Variants in P3H3 observed in about 807,000 individuals in gnomAD.
The protein encoded by P3H3 is gene rich cluster, B.
P3H3 carries 64 observed loss-of-function variants against 78.1 expected under a neutral mutation model. The observed-to-expected ratio is 0.82, with a 90% CI of 0.67 to 1.01. The LOEUF is 1.01. P3H3 is among the 50% of genes least tolerant of loss of function. The pLI is 0.00. For synonymous variants in P3H3, 425 were observed against 416.7 expected (o/e 1.02, Z -0.24); for missense variants, 975 against 982.2 (o/e 0.99, Z 0.10).
chr12:6,832,882 C>A (rs782592535), intron 6 of P3H3, among the ~76,000 whole-genome samples: 1 of 6,398 alleles, frequency 1.6e-4, no homozygotes, highest in African/African-American at 7.2e-4. Context: ...GGATTACAGG[C>A]GTGAGCCACC....
Position 6,829,782 on chromosome 12 carries a change from G to A in P3H3, c.499-77G>A. 1 of 1,529,150 alleles carries A rather than the reference G, an allele frequency of 6.5e-7. No individual in the cohort carries two copies. Among genetic ancestry groups the A allele is most frequent in the Non-Finnish European group, 9.0e-7 (1 of 1,108,614 alleles). 94.7% of individuals were successfully genotyped at this position (1,529,150 alleles called of 1,614,324 possible). On this transcript the variant is annotated intron_variant, in intron 1 of 14. Coordinates refer to ENST00000290510, the MANE Select transcript of P3H3 (RefSeq NM_014262.5). The surrounding 1 kb of genome is among the most constrained non-coding windows in gnomAD (Gnocchi z 5.1). ...ACCCAGAGTGTGTGTCTGGGGTAGG[G>A]TGGGGAGGCTGGCCAGGGGGCAGAG...
rs2137960332 is a variant in P3H3 at position 6,831,562 on chromosome 12, T to C, written c.1122+210T>C. Among the ~76,000 whole-genome samples, 1 of 152,182 alleles carries C rather than the reference T, an allele frequency of 6.6e-6. No homozygotes were observed. The highest frequency in any genetic ancestry group is 2.1e-4 in the South Asian group (1 of 4,814). ...ATTCCAGCCCTCAGCCCCGTCTCTC[T>C]TGCCTTTACTTCACTCCTGCCTGCC... On this transcript the variant is annotated intron_variant, in intron 5 of 14. Coordinates refer to ENST00000290510, the MANE Select transcript of P3H3 (RefSeq NM_014262.5). This position sits in a 1 kb window ranked among gnomAD's most constrained non-coding sequence, Gnocchi z 4.6.
At chr12:6,838,170 C>T in intron 13 of P3H3, 137 bp downstream of exon 13, 1 of 1,137,058 alleles carries the variant, frequency 8.8e-7, no homozygotes, top group Non-Finnish European at 1.2e-6. Context: ...CTCCGCAGCC[C>T]TCCCGCTGCT....
intron 9 of P3H3, chr12:6,834,799 G>T (rs782326940): frequency 1.1e-4 from 16 of 152,156 alleles, no homozygotes; most frequent in Admixed American, 9.8e-4. Flanking sequence ...TTAGCCAGGC[G>T]TGGTGGCACA....
intron 8 of P3H3, 30 bp from the exon 9 acceptor site, chr12:6,833,894 AG>A: frequency 6.2e-7 from 1 of 1,613,970 alleles, no homozygotes; most frequent in Non-Finnish European, 8.5e-7. Flanking sequence ...GGGGATGCTC[AG>A]CCCCCTCTGC....
intron 9 of P3H3, among the ~76,000 whole-genome samples, chr12:6,835,640 A>G (rs1943488962): frequency 6.6e-6 from 1 of 152,130 alleles, no homozygotes; most frequent in Non-Finnish European, 1.5e-5. Context: ...AAAAAAGAAC[A>G]TAGAATCATC....
At chr12:6,833,481 C>G in intron 6 of P3H3, 111 bp from the exon 7 acceptor site, 1 of 1,109,868 alleles carries the variant, frequency 9.0e-7, no homozygotes, top group South Asian at 1.3e-5. Context: ...TTTCCTACCT[C>G]CGTCTTCCTC....
In P3H3 at chr12:6,839,626, G is replaced by A. The variant is rs1485656584; in HGVS notation, c.*165G>A. Reference sequence around the variant, plus strand: ...GACCTACAAGGGCCTGGACTCAGAGGACAGTGCACAGGCTAGCCTGGAGCT... The same window carrying A: ...GACCTACAAGGGCCTGGACTCAGAGAACAGTGCACAGGCTAGCCTGGAGCT... On this transcript the variant is annotated 3_prime_UTR_variant, in exon 15 of 15. Coordinates refer to ENST00000290510, the MANE Select transcript of P3H3 (RefSeq NM_014262.5). 83 of 910,212 alleles carry A rather than the reference G, an allele frequency of 9.1e-5. No homozygotes were observed. Among genetic ancestry groups the A allele is most frequent in the Non-Finnish European group, 1.3e-4 (82 of 620,098 alleles). The allele number at this position is 910,212 out of a possible 1,614,324, so 56.4% of individuals were successfully genotyped here. A position where few individuals can be genotyped will look rare whatever the true frequency, so the allele number is the denominator to read the frequency against.
Position 6,834,052 on chromosome 12 carries a change from A to G in P3H3, c.1458+3A>G. ...GGGTGCTGCTGCAGCTGGCTAAGGT[A>G]GGAAGACCTGCAAGCTCATCAGCTC... On this transcript the variant is annotated splice_donor_region_variant and intron_variant, in intron 9 of 14. Coordinates refer to ENST00000290510, the MANE Select transcript of P3H3 (RefSeq NM_014262.5). The G allele has an allele frequency of 1.2e-6, 2 of 1,613,296 alleles. No individual in the cohort carries two copies. The highest frequency in any genetic ancestry group is 1.7e-6 in the Non-Finnish European group (2 of 1,179,792).
In P3H3 at chr12:6,829,878, C is replaced by A. The variant is rs1943429160; in HGVS notation, c.518C>A (p.Ala173Glu). Residue 173 changes from alanine to glutamate, a missense_variant, in exon 2 of 15, where the codon GCA becomes GAA. Ala to Glu is a moderately radical substitution (Grantham distance 107). Transcript: ENST00000290510. This position sits in a 1 kb window ranked among gnomAD's most constrained non-coding sequence, Gnocchi z 5.1. ...CCTCAGTTGAAGAAGCTGGATCTGGCAGCTGCGGCAGCACACACCTTCTTT... is the reference window on the plus strand; with the variant it reads ...CCTCAGTTGAAGAAGCTGGATCTGGAAGCTGCGGCAGCACACACCTTCTTT... ...AYYQLKKLDL[A>E]AAAAHTFFVA... is the part of the protein sequence containing the mutation. The A allele has an allele frequency of 2.5e-6, 4 of 1,613,908 alleles. No homozygotes were observed. The highest frequency in any genetic ancestry group is 1.7e-5 in the Admixed American group (1 of 60,008).
In P3H3 at chr12:6,828,609, G is replaced by A; in HGVS notation, c.169G>A (p.Val57Met). The change falls in exon 1 of 15, where the codon GTG becomes ATG. Residue 57 changes from valine (V) to methionine (M), a missense_variant. Physicochemically the swap from Val to Met is conservative, Grantham distance 21. Transcript: ENST00000290510. ...AYAAGAWAPAVALLREALRSQ... is the reference protein window; with the variant it reads ...AYAAGAWAPAMALLREALRSQ... ...CGCGGCCGGGGCTTGGGCGCCGGCC[G>A]TGGCGCTGCTGCGGGAGGCGCTGCG... The A allele has an allele frequency of 8.2e-7, 1 of 1,218,936 alleles. No homozygotes were observed. The highest frequency in any genetic ancestry group is 1.0e-6 in the Non-Finnish European group (1 of 979,936). 75.5% of individuals were successfully genotyped at this position (1,218,936 alleles called of 1,614,324 possible).
rs569372965 is a variant in P3H3 at position 6,833,850 on chromosome 12, T to TG, written c.1333+46dup. The TG allele has an allele frequency of 5.1e-5, 83 of 1,612,868 alleles. 1 individual carries two copies. In the Admixed American group the frequency reaches 1.1e-3, roughly 22 times the overall value. On this transcript the variant is annotated intron_variant, in intron 8 of 14. Coordinates refer to ENST00000290510, the MANE Select transcript of P3H3 (RefSeq NM_014262.5). ...GGAGAAGGCAGGAGCCTGGAGGGTC[T>TG]GGGGGCTGCCAGCTACTGCTCTGCC...
chr12:6,836,831 G>A (rs180994970), intron 9 of P3H3, among the ~76,000 whole-genome samples, 154 bp from the exon 10 acceptor site: 1,672 of 152,286 alleles, frequency 0.011, 17 homozygotes, highest in Admixed American at 0.02. Flanking sequence ...CACTCTCTGG[G>A]AAAGAGCAGC....
At chr12:6,837,635 C>T (rs1943513029) in intron 11 of P3H3, 62 bp downstream of exon 11, 47 of 1,583,628 alleles carry the variant, frequency 3.0e-5, no homozygotes, top group Admixed American at 5.3e-5. Context: ...GGACACTGCC[C>T]CCAAGAGCCC....
rs1943538985 is a variant in P3H3 at position 6,839,487 on chromosome 12, G to A, written c.*26G>A. On this transcript the variant is annotated 3_prime_UTR_variant, in exon 15 of 15. Coordinates refer to ENST00000290510, the MANE Select transcript of P3H3 (RefSeq NM_014262.5). ...GTGGCTGAGCCAGCTCCTTGAGGAT[G>A]TGGCCACTTGACTTGTGGAAGGCCA... is the stretch of plus-strand genomic sequence containing the variant. 1 of 1,545,296 alleles carries A rather than the reference G, an allele frequency of 6.5e-7. No homozygotes were observed. Among genetic ancestry groups the A allele is most frequent in the Non-Finnish European group, 8.7e-7 (1 of 1,144,122 alleles).
rs1943450903 is a variant in P3H3, at chr12:6,831,503, C to A, written c.1122+151C>A. Among the ~76,000 whole-genome samples the A allele has an allele frequency of 1.3e-5, 2 of 152,106 alleles. No homozygotes were observed. The highest frequency in any genetic ancestry group is 4.1e-4 in the South Asian group (2 of 4,820). On this transcript the variant is annotated intron_variant, in intron 5 of 14. Transcript: ENST00000290510. The surrounding 1 kb of genome is among the most constrained non-coding windows in gnomAD (Gnocchi z 4.6). ...AAGTCCAGCATCTGACTTCCGTCTCCACTCCCTGCTCCCCACGGCAGCCTG... is the reference window on the plus strand; with the variant it reads ...AAGTCCAGCATCTGACTTCCGTCTCAACTCCCTGCTCCCCACGGCAGCCTG...
chr12:6,836,935 A>G, intron 9 of P3H3, 50 bp from the exon 10 acceptor site: 1 of 1,390,176 alleles, frequency 7.2e-7, no homozygotes, highest in Non-Finnish European at 1.0e-6. Context: ...AGCCCTGCAG[A>G]CAGTGAGGGG....
intron 2 of P3H3, 112 bp from the exon 3 acceptor site, chr12:6,830,241 G>A: frequency 8.9e-7 from 1 of 1,122,260 alleles, no homozygotes; most frequent in Non-Finnish European, 1.3e-6. Context: ...TCTCCACGGT[G>A]AAGAGGGACA....
In P3H3 at chr12:6,839,678, G is replaced by T; in HGVS notation, c.*217G>T. Reference sequence around the variant, plus strand: ...ACCAGGCCTGGGGAGCTGGGACGGGGCCCCGCTGCCGGACCTGCAGCCCTG... The same window carrying T: ...ACCAGGCCTGGGGAGCTGGGACGGGTCCCCGCTGCCGGACCTGCAGCCCTG... On this transcript the variant is annotated 3_prime_UTR_variant, in exon 15 of 15. Transcript: ENST00000290510. 1.7e-6 allele frequency: 1 copy of T among 599,028 alleles called. No individual in the cohort carries two copies. The highest frequency in any genetic ancestry group is 2.3e-5 in the South Asian group (1 of 43,526). 37.1% of individuals were successfully genotyped at this position (599,028 alleles called of 1,614,324 possible). A position where few individuals can be genotyped will look rare whatever the true frequency, so the allele number is the denominator to read the frequency against.
Sources: allele counts gnomAD v4.1 joint callset (sites outside exome capture counted in the v4.1 genomes callset), GRCh38; gene constraint gnomAD v4.1.1; non-coding constraint Gnocchi (gnomAD v3.1); transcripts MANE v1.5; gene names NCBI Gene and HGNC (gene_info 2026-07-23, HGNC 2026-07-21).